The following CFI variants were observed in gnomAD, a reference collection of about 807,000 sequenced individuals.
The protein encoded by CFI is C3B/C4B inactivator.
A neutral mutation model predicts 78.8 loss-of-function variants in CFI; 66 were observed. The observed-to-expected ratio is 0.84, with a 90% CI of 0.69 to 1.03. CFI has a LOEUF of 1.03. CFI is among the 50% of genes least tolerant of loss of function. CFI has a pLI of 0.00. For missense variants in CFI, 706 were observed against 704.5 expected (o/e 1.00, Z -0.02); for synonymous variants, 250 against 232.6 (o/e 1.07, Z -0.68).
chr4:109,797,715 G>T (rs932913407), intron 1 of CFI, among the ~76,000 whole-genome samples: 3 of 152,066 alleles, frequency 2.0e-5, no homozygotes, highest in Admixed American at 6.5e-5. Context: ...CAAATCAAAA[G>T]CCAAGAACCA....
At chr4:109,760,409 T>G in intron 5 of CFI, 29 bp from the exon 6 acceptor site, 1 of 1,578,548 alleles carries the variant, frequency 6.3e-7, no homozygotes, top group Non-Finnish European at 8.7e-7. Flanking sequence ...GAGAGGTTTT[T>G]TTCATTCCTT....
intron 12 of CFI, 120 bp from the exon 13 acceptor site, chr4:109,741,230 T>C: frequency 1.9e-6 from 3 of 1,551,700 alleles, no homozygotes; most frequent in African/African-American, 1.4e-5. Flanking sequence ...AGCAATAGCA[T>C]GGGCTCTCCT....
intron 1 of CFI, among the ~76,000 whole-genome samples, chr4:109,788,211 T>C (rs570978522): frequency 6.6e-6 from 1 of 152,258 alleles, no homozygotes; most frequent in Admixed American, 6.5e-5. Context: ...TTCTCACATA[T>C]GCTAAGTATA....
intron 1 of CFI, among the ~76,000 whole-genome samples, chr4:109,788,395 T>C (rs1731004394): frequency 6.6e-6 from 1 of 152,148 alleles, no homozygotes; most frequent in African/African-American, 2.4e-5. Context: ...GTATATATTA[T>C]GTTTCCACAG....
intron 1 of CFI, among the ~76,000 whole-genome samples, chr4:109,783,448 G>C (rs1730316982): frequency 6.6e-6 from 1 of 151,972 alleles, no homozygotes; most frequent in Non-Finnish European, 1.5e-5. Context: ...AATGACCAGG[G>C]AAATGCAAAT....
chr4:109,787,281 T>C (rs899354979), intron 1 of CFI, among the ~76,000 whole-genome samples: 5 of 152,126 alleles, frequency 3.3e-5, no homozygotes, highest in Non-Finnish European at 7.4e-5. Flanking sequence ...ATAAGCAACT[T>C]GGATCCCAAG....
intron 1 of CFI, among the ~76,000 whole-genome samples, chr4:109,775,853 C>T (rs1007449959): frequency 1.3e-5 from 2 of 152,188 alleles, no homozygotes; most frequent in Non-Finnish European, 2.9e-5. Flanking sequence ...GTAGCCTCCA[C>T]TGGTGATACC....
At chr4:109,794,106 T>C (rs1731733028) in intron 1 of CFI, 2 of 152,242 alleles carry the variant, frequency 1.3e-5, no homozygotes, top group African/African-American at 2.4e-5. Context: ...TAATGTGTCT[T>C]GGTTTGAACC....
At chr4:109,772,354 C>A (rs1041136946) in intron 1 of CFI, among the ~76,000 whole-genome samples, 1 of 152,216 alleles carries the variant, frequency 6.6e-6, no homozygotes, top group South Asian at 2.1e-4. Flanking sequence ...GTACACCAGG[C>A]TTTGCCTGAA....
chr4:109,761,870 A>G (rs1727113177), intron 3 of CFI, 178 bp from the exon 4 acceptor site: 1 of 603,378 alleles, frequency 1.7e-6, no homozygotes, highest in Non-Finnish European at 2.9e-6. Context: ...AGGGAATATA[A>G]CTACCTCACT....
rs1560546604 is a variant in CFI, at chr4:109,766,770, A to AT, written c.111dup (p.Tyr38IlefsTer8). ...ACTTTATCGCAGGAGAGGTGAGTAT[A>AT]TTTTTTTGCTAAGCACTTTTTCTCC... On this transcript the variant is annotated frameshift_variant, in exon 2 of 13. Transcript: ENST00000394634. LOFTEE classifies it high-confidence loss of function. 1.9e-6 allele frequency: 3 copies of AT among 1,614,132 alleles called. No individual in the cohort carries two copies. The highest frequency in any genetic ancestry group is 2.5e-6 in the Non-Finnish European group (3 of 1,180,010).
At chr4:109,767,044 T>C (rs879206543) in intron 1 of CFI, among the ~76,000 whole-genome samples, 8 of 152,180 alleles carry the variant, frequency 5.3e-5, no homozygotes, top group Non-Finnish European at 7.3e-5. Flanking sequence ...GATTCCCTAT[T>C]TGATAAATGG....
At chr4:109,790,761 A>G in intron 1 of CFI, among the ~76,000 whole-genome samples, 1 of 152,134 alleles carries the variant, frequency 6.6e-6, no homozygotes, top group East Asian at 1.9e-4. Flanking sequence ...CCTGCAAAAG[A>G]CATGATCTTG....
Position 109,766,829 on chromosome 4 carries a change from A to C in CFI, c.58-5T>G, listed in dbSNP as rs1727826308. 1 of 1,613,906 alleles carries C rather than the reference A, an allele frequency of 6.2e-7. No homozygotes were observed. Among genetic ancestry groups the C allele is most frequent in the Non-Finnish European group, 8.5e-7 (1 of 1,179,992 alleles). On this transcript the variant is annotated splice_region_variant and splice_polypyrimidine_tract_variant and intron_variant, in intron 1 of 12. Transcript: ENST00000394634. Reference sequence around the variant, plus strand: ...CTCTTGAGATGTATAAGTGACCTGTAAAATGCAAAATAAACATTAACTTAG... The same window carrying C: ...CTCTTGAGATGTATAAGTGACCTGTCAAATGCAAAATAAACATTAACTTAG...
At chr4:109,757,487 G>T (rs1437124158) in intron 7 of CFI, among the ~76,000 whole-genome samples, 1 of 152,164 alleles carries the variant, frequency 6.6e-6, no homozygotes, top group Non-Finnish European at 1.5e-5. Flanking sequence ...GATTTTGAGA[G>T]AAAATGAAGA....
intron 1 of CFI, among the ~76,000 whole-genome samples, chr4:109,781,762 A>C (rs1287434879): frequency 6.6e-6 from 1 of 152,194 alleles, no homozygotes; most frequent in East Asian, 1.9e-4. Context: ...AATCCTTAAC[A>C]AAATACTAGC....
intron 7 of CFI, among the ~76,000 whole-genome samples, chr4:109,756,901 G>GA (rs1387404644): frequency 5.5e-5 from 2 of 36,514 alleles, no homozygotes; most frequent in African/African-American, 1.9e-4. Context: ...AAGAAAGAAA[G>GA]AAAGAAAGAA....
At chr4:109,770,135 C>A (rs757222133) in intron 1 of CFI, among the ~76,000 whole-genome samples, 1 of 152,118 alleles carries the variant, frequency 6.6e-6, no homozygotes, top group Non-Finnish European at 1.5e-5. Context: ...GCACCAAGCC[C>A]CAAAGACCAA....
At chr4:109,800,781 A>G (rs1022170423) in intron 1 of CFI, among the ~76,000 whole-genome samples, 2 of 148,066 alleles carry the variant, frequency 1.4e-5, no homozygotes, top group Non-Finnish European at 3.0e-5. Flanking sequence ...ACACACATAC[A>G]TATGTGTGTG....
Sources: allele counts gnomAD v4.1 joint callset (sites outside exome capture counted in the v4.1 genomes callset), GRCh38; gene constraint gnomAD v4.1.1; transcripts MANE v1.5; gene names NCBI Gene and HGNC (gene_info 2026-07-23, HGNC 2026-07-21).